Variants in GAREM2 observed in about 807,000 individuals in gnomAD.
GAREM2 encodes the protein GRB2-associated and regulator of MAPK protein 2.
In GAREM2, 30 loss-of-function variants were observed where a neutral mutation model predicts 55.6. The ratio of observed to expected loss-of-function variants is 0.54; its 90% CI spans 0.40 to 0.73. The LOEUF is 0.73. Among genes scored for constraint, GAREM2 ranks in the 30% least tolerant of loss-of-function variants. The probability of loss-of-function intolerance (pLI) is 0.00; values close to 1 mark genes in which losing one functional copy is unlikely to be tolerated. For synonymous variants in GAREM2, 550 were observed against 569.1 expected (o/e 0.97, Z 0.48); for missense variants, 1,075 against 1,257.7 (o/e 0.85, Z 2.20).
In GAREM2 at chr2:26,173,331, A is replaced by G; in HGVS notation, c.111A>G (p.Pro37=). The part of the protein sequence containing the change: ...CRLPTLACLG[P]GEYAEGVSER... The stretch of plus-strand genomic sequence containing the variant: ...TGCCCACGCTCGCCTGCCTTGGGCC[A>G]GGTACCGGGGTCGCTGGAGATGGGG... Residue 37 remains proline (P), a splice_region_variant and synonymous_variant, in exon 1 of 6, where the codon CCA becomes CCG. Coordinates refer to ENST00000401533, the MANE Select transcript of GAREM2 (RefSeq NM_001168241.2). The G allele has an allele frequency of 7.2e-7, 1 of 1,384,148 alleles. No homozygotes were observed. The highest frequency in any genetic ancestry group is 1.5e-5 in the South Asian group (1 of 65,618). 85.7% of individuals were successfully genotyped at this position (1,384,148 alleles called of 1,614,324 possible).
intron 2 of GAREM2, chr2:26,182,243 G>A: frequency 7.0e-7 from 1 of 1,420,356 alleles, no homozygotes; most frequent in Non-Finnish European, 9.2e-7. Flanking sequence ...CATGTGCTGA[G>A]CTTGGCAAAG....
Position 26,173,207 on chromosome 2 carries a change from G to T in GAREM2, c.-14G>T. 8.2e-7 allele frequency: 1 copy of T among 1,215,106 alleles called. No homozygotes were observed. The highest frequency in any genetic ancestry group is 1.0e-6 in the Non-Finnish European group (1 of 960,390). 75.3% of individuals were successfully genotyped at this position (1,215,106 alleles called of 1,614,324 possible). A position where few individuals can be genotyped will look rare whatever the true frequency, so the allele number is the denominator to read the frequency against. Reference sequence around the variant, plus strand: ...GTCGGGGCCCCGGGACGGCGGCCCCGGGGCGCCCATGCCATGGAGAAGCTG... The same window carrying T: ...GTCGGGGCCCCGGGACGGCGGCCCCTGGGCGCCCATGCCATGGAGAAGCTG... On this transcript the variant is annotated 5_prime_UTR_variant, in exon 1 of 6. Transcript: ENST00000401533.
At chr2:26,194,614 TG>T (rs1267615713), downstream of GAREM2, 1 of 1,611,946 alleles carries the variant, frequency 6.2e-7, no homozygotes, top group Admixed American at 1.7e-5. Context: ...GCAAGACACC[TG>T]GTAGTATAGA....
At chr2:26,174,792 C>G (rs73920248) in intron 1 of GAREM2, among the ~76,000 whole-genome samples, 2 of 152,100 alleles carry the variant, frequency 1.3e-5, no homozygotes, top group East Asian at 1.9e-4. Flanking sequence ...GCCCCTTGGC[C>G]GGAGACTGAG....
Position 26,184,215 on chromosome 2 carries a change from T to C in GAREM2, c.385-18T>C, listed in dbSNP as rs770104368. ...CTGGGACCTGGCTAAGGCCCTGCCC[T>C]GTCTCTGGGATCCCCAGGTGGTGTC... On this transcript the variant is annotated intron_variant, in intron 3 of 5. Transcript: ENST00000401533. The C allele has an allele frequency of 6.5e-7, 1 of 1,548,364 alleles. No homozygotes were observed. Among genetic ancestry groups the C allele is most frequent in the South Asian group, 1.2e-5 (1 of 84,038 alleles).
At chr2:26,191,978 A>C (rs12999875), downstream of GAREM2, among the ~76,000 whole-genome samples, 26,547 of 152,192 alleles carry the variant, frequency 0.17, 2,666 homozygotes, top group Middle Eastern at 0.26. Flanking sequence ...CTCTCTGGGA[A>C]CTTGCCAGAG....
intron 1 of GAREM2, among the ~76,000 whole-genome samples, chr2:26,173,660 C>A (rs1345401113): frequency 6.6e-6 from 1 of 151,984 alleles, no homozygotes; most frequent in Non-Finnish European, 1.5e-5. Flanking sequence ...CCCCTGGGCC[C>A]CCCGCCCCGG....
downstream of GAREM2, among the ~76,000 whole-genome samples, chr2:26,190,343 A>G (rs115720134): frequency 5.1e-3 from 767 of 151,656 alleles, 9 homozygotes; most frequent in African/African-American, 0.018. Context: ...CTGTTTACCC[A>G]GACTGGGCAC....
chr2:26,180,988 C>A, intron 2 of GAREM2: 17 of 985,604 alleles, frequency 1.7e-5, no homozygotes, highest in Non-Finnish European at 2.0e-5. Context: ...CCCACCTCCC[C>A]CTTCTTCTGT....
the GAREM2 span, among the ~76,000 whole-genome samples, chr2:26,199,786 T>C: frequency 6.6e-5 from 10 of 152,214 alleles, no homozygotes; most frequent in Non-Finnish European, 5.9e-5. Context: ...TTTGTTCTCT[T>C]GGAAGCCTGC....
chr2:26,203,723 T>C, the GAREM2 span, among the ~76,000 whole-genome samples: 3 of 152,206 alleles, frequency 2.0e-5, no homozygotes, highest in African/African-American at 7.2e-5. Flanking sequence ...CTGCAAACTA[T>C]ATCAAAATCC....
intron 2 of GAREM2, among the ~76,000 whole-genome samples, chr2:26,180,410 C>A (rs910141488): frequency 6.6e-6 from 1 of 152,222 alleles, no homozygotes; most frequent in Admixed American, 6.5e-5. Flanking sequence ...CTTCCCTGAG[C>A]CATCTCACTT....
chr2:26,200,383 C>T, the GAREM2 span, among the ~76,000 whole-genome samples: 1 of 152,190 alleles, frequency 6.6e-6, no homozygotes, highest in African/African-American at 2.4e-5. Context: ...CTCCCCACTT[C>T]AAGTACTTGT....
intron 2 of GAREM2, among the ~76,000 whole-genome samples, chr2:26,178,914 C>G (rs1574587307): frequency 4.3e-5 from 1 of 23,102 alleles, no homozygotes; most frequent in African/African-American, 3.3e-4. Context: ...AGGCAGAGGC[C>G]CCTAGGAGGG....
chr2:26,193,668 A>C, downstream of GAREM2: 1 of 1,613,904 alleles, frequency 6.2e-7, no homozygotes, highest in East Asian at 2.2e-5. Context: ...CTTCCGCCAC[A>C]TGTTTCGCTA....
chr2:26,185,081 C>T lies in GAREM2; in HGVS notation c.1233C>T (p.Ser411=), dbSNP rs1187943947. 4.3e-6 allele frequency: 6 copies of T among 1,398,720 alleles called. No homozygotes were observed. Among genetic ancestry groups the T allele is most frequent in the South Asian group, 1.5e-5 (1 of 65,652 alleles). 86.6% of individuals were successfully genotyped at this position (1,398,720 alleles called of 1,614,324 possible). A position where few individuals can be genotyped will look rare whatever the true frequency, so the allele number is the denominator to read the frequency against. ...GCGAGGGCGACCAGGAGTACGTGAG[C>T]CCCGACTGGGCAGCCGCGCCCGAGC... ...PAGEGDQEYV[S]PDWAAAPEPA... The change falls in exon 4 of 6, where the codon AGC becomes AGT. Residue 411 remains serine, a synonymous_variant. Coordinates refer to ENST00000401533, the MANE Select transcript of GAREM2 (RefSeq NM_001168241.2).
At chr2:26,192,241 A>C, downstream of GAREM2, 1 of 795,772 alleles carries the variant, frequency 1.3e-6, no homozygotes. Context: ...AAAATGGAAG[A>C]GGGGCTGGGA....
At chr2:26,190,422 G>T (rs1205576763), downstream of GAREM2, among the ~76,000 whole-genome samples, 3 of 152,142 alleles carry the variant, frequency 2.0e-5, no homozygotes, top group Non-Finnish European at 4.4e-5. Flanking sequence ...GGGAGTGCAG[G>T]TGCTGTGGGG....
chr2:26,201,016 G>A, the GAREM2 span: 6 of 751,510 alleles, frequency 8.0e-6, no homozygotes, highest in Middle Eastern at 4.8e-4. Flanking sequence ...ATAGGCGTGA[G>A]CCACCATGCC....
Sources: allele counts gnomAD v4.1 joint callset (sites outside exome capture counted in the v4.1 genomes callset), GRCh38; gene constraint gnomAD v4.1.1; transcripts MANE v1.5; gene names NCBI Gene and HGNC (gene_info 2026-07-23, HGNC 2026-07-21).